The following PPP1R13B variants were observed in gnomAD, a reference collection of about 807,000 sequenced individuals.
PPP1R13B encodes protein phosphatase 1 regulatory subunit 13B.
PPP1R13B carries 44 observed loss-of-function variants against 119.8 expected under a neutral mutation model. The ratio of observed to expected loss-of-function variants is 0.37; its 90% CI spans 0.29 to 0.47. PPP1R13B has a LOEUF of 0.47. Among genes scored for constraint, PPP1R13B ranks in the 20% least tolerant of loss-of-function variants. The pLI is 0.99. For synonymous variants in PPP1R13B, 542 were observed against 561.5 expected (o/e 0.97, Z 0.49); for missense variants, 1,227 against 1,413.5 (o/e 0.87, Z 2.12).
rs961411112 is a variant in PPP1R13B at position 103,784,784 on chromosome 14, C to T, written c.277+11G>A. Reference sequence around the variant, plus strand: ...AAAAATTAACAAATGAGGAAGAAAGCAGTTATCTACCTTGTTCACTGTTCT... The same window carrying T: ...AAAAATTAACAAATGAGGAAGAAAGTAGTTATCTACCTTGTTCACTGTTCT... On this transcript the variant is annotated intron_variant, in intron 3 of 16. Transcript: ENST00000202556. The T allele has an allele frequency of 1.3e-6, 2 of 1,554,352 alleles. No individual in the cohort carries two copies. Among genetic ancestry groups the T allele is most frequent in the Non-Finnish European group, 1.7e-6 (2 of 1,143,096 alleles).
chr14:103,847,626 G>C (rs1366343931), upstream of PPP1R13B: 7 of 985,130 alleles, frequency 7.1e-6, no homozygotes, highest in Non-Finnish European at 8.4e-6. Context: ...CCCGCCCCCA[G>C]CGCGACGCCC....
Position 103,742,254 on chromosome 14 carries a change from C to G in PPP1R13B, c.1358G>C (p.Gly453Ala), listed in dbSNP as rs1595711262. ...GCTTGGAGGCAGCTGCTTGCCTACACCCGGGATGGGAGGTGGCACTTTACC... is the reference window on the plus strand; with the variant it reads ...GCTTGGAGGCAGCTGCTTGCCTACAGCCGGGATGGGAGGTGGCACTTTACC... ...EIGKVPPPIP[G>A]VGKQLPPSYG... Residue 453 changes from glycine to alanine, a missense_variant, in exon 11 of 17, where the codon GGT (glycine) becomes GCT (alanine). Physicochemically the swap from Gly to Ala is moderately conservative, Grantham distance 60 (BLOSUM62 0). Transcript: ENST00000202556. The surrounding 1 kb of genome is among the most constrained non-coding windows in gnomAD (Gnocchi z 4.9). The G allele has an allele frequency of 6.3e-7, 1 of 1,580,856 alleles. No individual in the cohort carries two copies. The highest frequency in any genetic ancestry group is 8.6e-7 in the Non-Finnish European group (1 of 1,169,148).
chr14:103,746,250 G>T, intron 9 of PPP1R13B, 123 bp downstream of exon 9: 1 of 1,051,146 alleles, frequency 9.5e-7, no homozygotes. Flanking sequence ...GGGAGACTGA[G>T]CCTGGAGTCT....
At chr14:103,845,927 C>A (rs2087019718) in intron 1 of PPP1R13B, among the ~76,000 whole-genome samples, 1 of 152,112 alleles carries the variant, frequency 6.6e-6, no homozygotes, top group Non-Finnish European at 1.5e-5. Flanking sequence ...TCTGTTCAAC[C>A]ATCACTTTTG....
intron 1 of PPP1R13B, among the ~76,000 whole-genome samples, chr14:103,836,218 A>G (rs1328524054): frequency 6.7e-6 from 1 of 149,714 alleles, no homozygotes; most frequent in Non-Finnish European, 1.5e-5. Flanking sequence ...GCTGATTTTT[A>G]TATTTTTAGT....
At chr14:103,816,585 T>C (rs1400060222) in intron 1 of PPP1R13B, among the ~76,000 whole-genome samples, 4 of 149,826 alleles carry the variant, frequency 2.7e-5, no homozygotes, top group East Asian at 2.0e-4. Flanking sequence ...ACTTGGAGGC[T>C]GAGGCAGGAG....
chr14:103,775,007 A>T (rs1051367832), intron 4 of PPP1R13B, among the ~76,000 whole-genome samples: 3 of 152,118 alleles, frequency 2.0e-5, no homozygotes, highest in African/African-American at 7.2e-5. Flanking sequence ...TCAGGTTTCA[A>T]TTTTGTTGAT....
intron 5 of PPP1R13B, among the ~76,000 whole-genome samples, chr14:103,757,301 G>A (rs2084701401): frequency 6.6e-6 from 1 of 151,516 alleles, no homozygotes. Context: ...CAATCCTCCT[G>A]CCTTGGCCTC....
intron 16 of PPP1R13B, among the ~76,000 whole-genome samples, chr14:103,735,443 G>A (rs2084079808): frequency 6.6e-6 from 1 of 152,172 alleles, no homozygotes; most frequent in South Asian, 2.1e-4. Context: ...GTGACTGCCT[G>A]TGGCTCTCAA....
intron 1 of PPP1R13B, among the ~76,000 whole-genome samples, chr14:103,805,443 C>T (rs1276153814): frequency 6.6e-6 from 1 of 151,916 alleles, no homozygotes; most frequent in Non-Finnish European, 1.5e-5. Context: ...TGGTGGCACA[C>T]GTCTATAGTC....
At chr14:103,824,694 C>CAA (rs34447941) in intron 1 of PPP1R13B, among the ~76,000 whole-genome samples, 33 of 119,816 alleles carry the variant, frequency 2.8e-4, no homozygotes, top group African/African-American at 3.9e-4. Context: ...GACTCCGCCT[C>CAA]AAAAAAAAAA....
intron 1 of PPP1R13B, among the ~76,000 whole-genome samples, chr14:103,833,436 GAGTTTA>G: frequency 6.6e-6 from 1 of 152,160 alleles, no homozygotes; most frequent in Non-Finnish European, 1.5e-5. Context: ...CTGAGGTCAG[GAGTTTA>G]AGACCAGCCT....
In PPP1R13B at chr14:103,733,963, A is replaced by G. The variant is rs1286143445; in HGVS notation, c.*1191T>C. On this transcript the variant is annotated 3_prime_UTR_variant, in exon 17 of 17. Transcript: ENST00000202556. ...TACATAAATTACACACGACTCATAC[A>G]TGAAAAATAGAGCCTAAGGGCCTGT... 5 of 158,492 alleles carry G rather than the reference A, an allele frequency of 3.2e-5. No homozygotes were observed. The highest frequency in any genetic ancestry group is 4.2e-5 in the Non-Finnish European group (3 of 71,300). 9.8% of individuals were successfully genotyped at this position (158,492 alleles called of 1,614,324 possible).
Position 103,738,580 on chromosome 14 carries a change from T to C in PPP1R13B, c.2864+99A>G. 1 of 1,528,992 alleles carries C rather than the reference T, an allele frequency of 6.5e-7. No individual in the cohort carries two copies. The highest frequency in any genetic ancestry group is 8.9e-7 in the Non-Finnish European group (1 of 1,125,146). 94.7% of individuals were successfully genotyped at this position (1,528,992 alleles called of 1,614,324 possible). The stretch of plus-strand genomic sequence containing the variant: ...AAATGATGGGTGTTCTTGCTCTAAT[T>C]CTCTCTTCCGTGCTTCCTAATTGTC... On this transcript the variant is annotated intron_variant, in intron 14 of 16. Coordinates refer to ENST00000202556, the MANE Select transcript of PPP1R13B (RefSeq NM_015316.3). This position sits in a 1 kb window ranked among gnomAD's most constrained non-coding sequence, Gnocchi z 5.6.
chr14:103,837,802 A>G (rs1029165072), intron 1 of PPP1R13B, among the ~76,000 whole-genome samples: 3 of 152,072 alleles, frequency 2.0e-5, no homozygotes, highest in African/African-American at 4.8e-5. Context: ...ACCTGACTCT[A>G]TCACTCCACT....
At chr14:103,812,000 C>T (rs1273450410) in intron 1 of PPP1R13B, among the ~76,000 whole-genome samples, 1 of 123,776 alleles carries the variant, frequency 8.1e-6, no homozygotes, top group Admixed American at 1.0e-4. Flanking sequence ...GCGGAGCTTG[C>T]GGTGAGCTGA....
At chr14:103,836,589 C>T (rs530738921) in intron 1 of PPP1R13B, among the ~76,000 whole-genome samples, 3 of 151,472 alleles carry the variant, frequency 2.0e-5, no homozygotes, top group South Asian at 4.2e-4. Flanking sequence ...GCCAACATGG[C>T]GAAACCCCAT....
chr14:103,847,725 C>G (rs916997628), upstream of PPP1R13B: 2 of 746,874 alleles, frequency 2.7e-6, no homozygotes, highest in South Asian at 1.2e-4. Flanking sequence ...CCGCTACCCT[C>G]GCTCTCAGCG....
chr14:103,826,511 C>T (rs762477774), intron 1 of PPP1R13B, among the ~76,000 whole-genome samples: 3 of 152,068 alleles, frequency 2.0e-5, no homozygotes, highest in Non-Finnish European at 4.4e-5. Flanking sequence ...GATTTCTCCT[C>T]GCTTTATAGT....
Sources: gnomAD v4.1 joint callset for allele counts (sites outside exome capture counted in the v4.1 genomes callset) on GRCh38, gnomAD v4.1.1 for gene constraint, Gnocchi (gnomAD v3.1) non-coding constraint, MANE v1.5 for transcripts, NCBI Gene and HGNC (gene_info 2026-07-23, HGNC 2026-07-21) for gene names.